ANAPC1: variants seen among roughly 807,000 people sequenced by gnomAD.
ANAPC1 encodes the protein anaphase-promoting complex subunit 1.
A neutral mutation model predicts 208.0 loss-of-function variants in ANAPC1; 36 were observed. The ratio of observed to expected loss-of-function variants is 0.17; its 90% CI spans 0.13 to 0.23. The LOEUF is 0.23. Ranked by LOEUF, ANAPC1 falls within the 10% of genes least tolerant of loss-of-function variation. The pLI is 1.00. For synonymous variants in ANAPC1, 378 were observed against 695.2 expected, an observed-to-expected ratio of 0.54 and a Z score of 7.18; for missense variants, 942 against 2,011.6, an observed-to-expected ratio of 0.47 and a Z score of 10.17.
At chr2:111,833,909 T>C (rs1157933799) in intron 19 of ANAPC1, among the ~76,000 whole-genome samples, 2 of 152,082 alleles carry the variant, frequency 1.3e-5, no homozygotes, top group African/African-American at 4.8e-5. Context: ...AACTCAGAGG[T>C]TGACATTTCA....
chr2:111,874,772 T>C (rs1682935272), intron 3 of ANAPC1, among the ~76,000 whole-genome samples: 3 of 152,240 alleles, frequency 2.0e-5, no homozygotes, highest in Admixed American at 2.0e-4. Flanking sequence ...AATTCAATTG[T>C]GCATATACCT....
intron 42 of ANAPC1, among the ~76,000 whole-genome samples, chr2:111,782,907 C>A (rs189368281): frequency 2.0e-5 from 3 of 151,428 alleles, no homozygotes; most frequent in Non-Finnish European, 4.4e-5. Flanking sequence ...CAGAACAATA[C>A]AGAAAACAGC....
chr2:111,860,025 C>CA (rs1681970330), intron 10 of ANAPC1, among the ~76,000 whole-genome samples: 1 of 152,106 alleles, frequency 6.6e-6, no homozygotes, highest in African/African-American at 2.4e-5. Context: ...GGGCCAGGCA[C>CA]AGTGGCTCAC....
intron 30 of ANAPC1, among the ~76,000 whole-genome samples, chr2:111,804,101 TAAAGA>T (rs1004783092): frequency 1.3e-5 from 2 of 151,072 alleles, no homozygotes; most frequent in Non-Finnish European, 2.9e-5. Flanking sequence ...CATTTAACAA[TAAAGA>T]AAAATATTAG....
chr2:111,879,677 C>A lies in ANAPC1; in HGVS notation c.214-706G>T, dbSNP rs572315445. On this transcript the variant is annotated intron_variant, in intron 2 of 47. Transcript: ENST00000341068. Reference sequence around the variant, plus strand: ...CCTGAGGTCTGGAGTTTGAGACTAGCCTGACCAACATGGAGAAATCCCGCC... The same window carrying A: ...CCTGAGGTCTGGAGTTTGAGACTAGACTGACCAACATGGAGAAATCCCGCC... Among the ~76,000 whole-genome samples the A allele has an allele frequency of 1.1e-3, 174 of 152,056 alleles. 1 individual carries two copies. The highest frequency in any genetic ancestry group is 3.9e-3 in the African/African-American group (161 of 41,488).
intron 1 of ANAPC1, among the ~76,000 whole-genome samples, chr2:111,882,843 A>C (rs1374625742): frequency 6.6e-6 from 1 of 151,970 alleles, no homozygotes; most frequent in East Asian, 1.9e-4. Context: ...GGGACACTTG[A>C]ACTTGGAACA....
At chr2:111,825,513 T>C (rs769281437) in intron 22 of ANAPC1, among the ~76,000 whole-genome samples, 8 of 152,200 alleles carry the variant, frequency 5.3e-5, no homozygotes, top group Admixed American at 1.3e-4. Context: ...CAAACTCATG[T>C]TGTTCAAGAG....
intron 3 of ANAPC1, among the ~76,000 whole-genome samples, chr2:111,877,347 C>G (rs1683072983): frequency 6.6e-6 from 1 of 151,832 alleles, no homozygotes; most frequent in African/African-American, 2.4e-5. Flanking sequence ...TAGAACAGTC[C>G]CCACCTTTTT....
chr2:111,775,705 T>A (rs1312078564), intron 46 of ANAPC1, among the ~76,000 whole-genome samples: 3 of 152,118 alleles, frequency 2.0e-5, no homozygotes, highest in Non-Finnish European at 4.4e-5. Flanking sequence ...ATACATTATA[T>A]GAAATGTGCA....
Position 111,847,830 on chromosome 2 carries a change from A to C in ANAPC1, c.1686T>G (p.Asp562Glu). ...VLLSPVPELR[D>E]SSKLHDSLYN... ...AGAGAGAATCATGAAGTTTTGAAGA[A>C]TCCCTCAGTTCTGGAACTGGGGACA... Residue 562 changes from aspartate (D) to glutamate (E), a missense_variant, in exon 15 of 48, where the codon GAT becomes GAG. Coordinates refer to ENST00000341068, the MANE Select transcript of ANAPC1 (RefSeq NM_022662.4). The C allele has an allele frequency of 3.8e-6, 6 of 1,597,612 alleles. No homozygotes were observed. The highest frequency in any genetic ancestry group is 5.1e-6 in the Non-Finnish European group (6 of 1,174,428).
chr2:111,843,592 C>G lies in ANAPC1; in HGVS notation c.1860G>C (p.Thr620=), dbSNP rs191644175. 6.2e-7 allele frequency: 1 copy of G among 1,608,932 alleles called. No homozygotes were observed. Among genetic ancestry groups the G allele is most frequent in the African/African-American group, 1.3e-5 (1 of 74,766 alleles). ...GGATAAACTTAATTGCTTGCAAACA[C>G]GTTTGTACTATTAAAAGCAAAGATT... The part of the protein sequence containing the change: ...PEIATSELVQ[T]CLQAIKFILP... Residue 620 remains threonine (T), a synonymous_variant, in exon 17 of 48, where the codon ACG becomes ACC. Transcript: ENST00000341068.
intron 29 of ANAPC1, among the ~76,000 whole-genome samples, chr2:111,806,879 T>C (rs1445354586): frequency 2.2e-4 from 32 of 143,114 alleles, no homozygotes; most frequent in Admixed American, 6.4e-4. Flanking sequence ...TTTATCCCTA[T>C]AGGAAAAAAA....
In ANAPC1 at chr2:111,847,284, C is replaced by G. The variant is rs1681146432; in HGVS notation, c.1792-86G>C. On this transcript the variant is annotated intron_variant, in intron 15 of 47. Transcript: ENST00000341068. ...TAAAAATAGCTGGTACAAGACTTTG[C>G]CCATCAAAGCAATAAAATAAATGAA... 4.1e-6 allele frequency: 3 copies of G among 739,170 alleles called. No homozygotes were observed. In the South Asian group the frequency reaches 6.0e-5, roughly 15 times the overall value. 45.8% of individuals were successfully genotyped at this position (739,170 alleles called of 1,614,324 possible).
At chr2:111,875,374 C>A (rs1200152437) in intron 3 of ANAPC1, among the ~76,000 whole-genome samples, 2 of 147,450 alleles carry the variant, frequency 1.4e-5, no homozygotes, top group Non-Finnish European at 3.0e-5. Context: ...CCAAAATCTA[C>A]AATGCACCGA....
chr2:111,879,382 C>T (rs551546515), intron 2 of ANAPC1, among the ~76,000 whole-genome samples: 6 of 152,186 alleles, frequency 3.9e-5, no homozygotes, highest in Non-Finnish European at 8.8e-5. Flanking sequence ...CTTCCTGCTT[C>T]GCAATCACAT....
intron 1 of ANAPC1, among the ~76,000 whole-genome samples, chr2:111,882,747 AAAAAG>A (rs1192844448): frequency 2.6e-5 from 4 of 152,124 alleles, no homozygotes; most frequent in Non-Finnish European, 2.9e-5. Flanking sequence ...CAAAAAAAAA[AAAAAG>A]AAAAGTTATT....
chr2:111,778,729 T>C lies in ANAPC1; in HGVS notation c.5331A>G (p.Glu1777=), dbSNP rs369779938. Residue 1777 remains glutamate, a synonymous_variant, in exon 45 of 48, where the codon GAA becomes GAG. Coordinates refer to ENST00000341068, the MANE Select transcript of ANAPC1 (RefSeq NM_022662.4). ...ILDLFSSVLY[E]CVTQETPEML... is the part of the protein sequence containing the mutation. ...TCTCTGGGGTCTCCTGGGTAACACA[T>C]TCATAGAGTACTGAAGAAAAGAGAT... The C allele has an allele frequency of 1.8e-5, 29 of 1,606,226 alleles. No individual in the cohort carries two copies. The highest frequency in any genetic ancestry group is 1.6e-4 in the Middle Eastern group (1 of 6,070).
chr2:111,879,356 C>T (rs933244596), intron 2 of ANAPC1, among the ~76,000 whole-genome samples: 2 of 152,102 alleles, frequency 1.3e-5, no homozygotes, highest in African/African-American at 4.8e-5. Context: ...TTGGGGAGTT[C>T]ACACACAAAT....
intron 2 of ANAPC1, among the ~76,000 whole-genome samples, chr2:111,879,623 C>G (rs7597132): frequency 1.3e-5 from 2 of 152,268 alleles, no homozygotes; most frequent in Middle Eastern, 3.4e-3. Context: ...GTAATCCCAG[C>G]ACTTTGGGAA....
Sources: allele counts gnomAD v4.1 joint callset (sites outside exome capture counted in the v4.1 genomes callset), GRCh38; gene constraint gnomAD v4.1.1; transcripts MANE v1.5; gene names NCBI Gene and HGNC (gene_info 2026-07-23, HGNC 2026-07-21).